The following TBC1D22B variants were observed in gnomAD, a reference collection of about 807,000 sequenced individuals.
TBC1D22B encodes TBC1 domain family member 22B, also known as chromosome 6 open reading frame 197.
In TBC1D22B, 32 loss-of-function variants were observed where a neutral mutation model predicts 69.1. That is an observed-to-expected ratio of 0.46 (90% CI 0.35 to 0.62). TBC1D22B has a LOEUF of 0.62. Ranked by LOEUF, TBC1D22B falls within the 20% of genes least tolerant of loss-of-function variation. TBC1D22B has a pLI of 0.00. For synonymous variants in TBC1D22B, 206 were observed against 229.8 expected, an observed-to-expected ratio of 0.90 and a Z score of 0.94; for missense variants, 462 against 630.9, an observed-to-expected ratio of 0.73 and a Z score of 2.87.
rs762561605 is a variant in TBC1D22B at position 37,257,979 on chromosome 6, C to A, written c.56+6C>A. 2 of 1,613,744 alleles carry A rather than the reference C, an allele frequency of 1.2e-6. No individual in the cohort carries two copies. Among genetic ancestry groups the A allele is most frequent in the Non-Finnish European group, 1.7e-6 (2 of 1,179,926 alleles). On this transcript the variant is annotated splice_donor_region_variant and intron_variant, in intron 1 of 12. Coordinates refer to ENST00000373491, the MANE Select transcript of TBC1D22B (RefSeq NM_017772.4). The stretch of plus-strand genomic sequence containing the variant: ...AGCGCTAAGCTGCCGGGGAGGTGAG[C>A]CCAGGACGCTGAGAGGGATAGGGGA...
chr6:37,291,772 G>T (rs969153146), intron 8 of TBC1D22B, among the ~76,000 whole-genome samples: 1 of 152,186 alleles, frequency 6.6e-6, no homozygotes, highest in Non-Finnish European at 1.5e-5. Flanking sequence ...ACAAAAGATT[G>T]TGGCACCAGA....
chr6:37,328,361 T>A lies in TBC1D22B; in HGVS notation c.1390-2683T>A, dbSNP rs572505053. ...AAAATGTTTATGCCCTTTGAAATAG[T>A]AATTTCATTTCTAGGAATTTGGCTT... On this transcript the variant is annotated intron_variant, in intron 12 of 12. Transcript: ENST00000373491. 4.8e-3 allele frequency among the ~76,000 whole-genome samples: 738 copies of A among 152,288 alleles called. 1 individual carries two copies. The highest frequency in any genetic ancestry group is 7.4e-3 in the Non-Finnish European group (506 of 68,018).
At chr6:37,287,795 T>C (rs1340170568) in intron 7 of TBC1D22B, among the ~76,000 whole-genome samples, 2 of 152,232 alleles carry the variant, frequency 1.3e-5, no homozygotes, top group Admixed American at 6.5e-5. Context: ...ATGGGTTGCT[T>C]TCACCTTTTG....
At chr6:37,327,279 C>T (rs1195989437) in intron 12 of TBC1D22B, among the ~76,000 whole-genome samples, 1 of 100,642 alleles carries the variant, frequency 9.9e-6, no homozygotes, top group African/African-American at 5.1e-5. Flanking sequence ...GAGATCGAGA[C>T]CATCCTGGCT....
intron 8 of TBC1D22B, among the ~76,000 whole-genome samples, chr6:37,312,241 A>C (rs9462291): frequency 6.6e-6 from 1 of 152,216 alleles, no homozygotes; most frequent in African/African-American, 2.4e-5. Flanking sequence ...GGGGATATCT[A>C]ATGCAACATT....
chr6:37,310,302 A>G (rs1468310495), intron 8 of TBC1D22B, among the ~76,000 whole-genome samples: 1 of 151,568 alleles, frequency 6.6e-6, no homozygotes, highest in African/African-American at 2.4e-5. Context: ...AAGGAATAAT[A>G]GGAATAAAAG....
At chr6:37,269,046 T>A (rs35924490) in intron 1 of TBC1D22B, among the ~76,000 whole-genome samples, 4,874 of 152,298 alleles carry the variant, frequency 0.032, 97 homozygotes, top group Non-Finnish European at 0.052. Context: ...ATATTTATCT[T>A]AATATGCATA....
At chr6:37,265,514 A>T (rs565244717) in intron 1 of TBC1D22B, among the ~76,000 whole-genome samples, 1 of 149,092 alleles carries the variant, frequency 6.7e-6, no homozygotes, top group Admixed American at 6.7e-5. Context: ...GCTAATGTGC[A>T]TATCAGTAGC....
chr6:37,282,260 G>A lies in TBC1D22B; in HGVS notation c.497G>A (p.Arg166Gln). 1.9e-6 allele frequency: 3 copies of A among 1,614,148 alleles called. No homozygotes were observed. Among genetic ancestry groups the A allele is most frequent in the Non-Finnish European group, 2.5e-6 (3 of 1,180,030 alleles). ...PLRPIIPLVA[R>Q]ISDQNASGAP... ...CGGCCCATCATCCCCCTCGTTGCCC[G>A]GATCTCGGATCAGAACGCTTCTGGG... Residue 166 changes from arginine (R) to glutamine (Q), a missense_variant, in exon 4 of 13, where the codon CGG becomes CAG. Physicochemically the swap from Arg to Gln is conservative, Grantham distance 43. Transcript: ENST00000373491.
At chr6:37,259,553 A>G (rs1392282100) in intron 1 of TBC1D22B, among the ~76,000 whole-genome samples, 2 of 152,082 alleles carry the variant, frequency 1.3e-5, no homozygotes, top group Admixed American at 6.6e-5. Flanking sequence ...GTTGCTATTA[A>G]CAATCTTTTT....
chr6:37,287,597 C>T (rs549145233), intron 7 of TBC1D22B, among the ~76,000 whole-genome samples: 14 of 152,298 alleles, frequency 9.2e-5, no homozygotes, highest in Non-Finnish European at 2.1e-4. Flanking sequence ...TTTGACTACT[C>T]CAGGCAGCTC....
chr6:37,309,399 T>C (rs1016195510), intron 8 of TBC1D22B, among the ~76,000 whole-genome samples: 9 of 152,192 alleles, frequency 5.9e-5, no homozygotes, highest in African/African-American at 2.2e-4. Context: ...CCAATTATGC[T>C]TGTATTTGCA....
At chr6:37,260,578 C>T (rs1264492997) in intron 1 of TBC1D22B, among the ~76,000 whole-genome samples, 4 of 152,140 alleles carry the variant, frequency 2.6e-5, no homozygotes, top group Non-Finnish European at 5.9e-5. Flanking sequence ...GTGCAACCAT[C>T]ACCACTAATT....
At chr6:37,270,661 C>T (rs1766457293) in intron 2 of TBC1D22B, among the ~76,000 whole-genome samples, 1 of 152,030 alleles carries the variant, frequency 6.6e-6, no homozygotes, top group Admixed American at 6.6e-5. Context: ...GGGGATAGGT[C>T]ACCTTCAGAG....
intron 12 of TBC1D22B, among the ~76,000 whole-genome samples, chr6:37,325,681 C>CT (rs1395962613): frequency 6.6e-6 from 1 of 151,754 alleles, no homozygotes; most frequent in Non-Finnish European, 1.5e-5. Context: ...TCCCATGTAG[C>CT]TGGGACTACA....
At chr6:37,278,386 T>G (rs1462769774) in intron 2 of TBC1D22B, among the ~76,000 whole-genome samples, 1 of 152,232 alleles carries the variant, frequency 6.6e-6, no homozygotes, top group Non-Finnish European at 1.5e-5. Flanking sequence ...GCTACATATG[T>G]GGACTACCTA....
At chr6:37,321,668 A>G (rs1022171719) in intron 12 of TBC1D22B, among the ~76,000 whole-genome samples, 1 of 152,132 alleles carries the variant, frequency 6.6e-6, no homozygotes, top group Non-Finnish European at 1.5e-5. Flanking sequence ...CAGAGGCTCT[A>G]ATGCTCCAGG....
intron 1 of TBC1D22B, among the ~76,000 whole-genome samples, chr6:37,266,466 CTTT>C (rs11336445): frequency 2.8e-5 from 4 of 142,728 alleles, no homozygotes; most frequent in Admixed American, 7.0e-5. Flanking sequence ...CTGCCTCATT[CTTT>C]TTTTTTTTTT....
chr6:37,261,191 G>A (rs1208701752), intron 1 of TBC1D22B, among the ~76,000 whole-genome samples: 1 of 152,080 alleles, frequency 6.6e-6, no homozygotes, highest in Non-Finnish European at 1.5e-5. Context: ...CAGAATTTTG[G>A]AAGGCTGAGG....
Sources: gnomAD v4.1 joint callset for allele counts (sites outside exome capture counted in the v4.1 genomes callset) on GRCh38, gnomAD v4.1.1 for gene constraint, MANE v1.5 for transcripts, NCBI Gene and HGNC (gene_info 2026-07-23, HGNC 2026-07-21) for gene names.